PPM1H: variants seen among roughly 807,000 people sequenced by gnomAD.
PPM1H encodes the protein protein phosphatase 1H.
In PPM1H, 27 loss-of-function variants were observed where a neutral mutation model predicts 54.9. That is an observed-to-expected ratio of 0.49 (90% CI 0.36 to 0.68). The LOEUF is 0.68. PPM1H is among the 30% of genes least tolerant of loss of function. PPM1H has a pLI of 0.00. For synonymous variants in PPM1H, 305 were observed against 270.8 expected (o/e 1.13, Z -1.24); for missense variants, 596 against 667.8 (o/e 0.89, Z 1.19).
chr12:62,737,113 G>T lies in PPM1H; in HGVS notation c.954+389C>A, dbSNP rs186887689. ...GTGGGCAGATTCTTCCTCACAACGGGAATCAGACCAAGTTCCCTGTTTGAG... is the reference window on the plus strand; with the variant it reads ...GTGGGCAGATTCTTCCTCACAACGGTAATCAGACCAAGTTCCCTGTTTGAG... On this transcript the variant is annotated intron_variant, in intron 5 of 9. Coordinates refer to ENST00000228705, the MANE Select transcript of PPM1H (RefSeq NM_020700.2). 1.6e-4 allele frequency among the ~76,000 whole-genome samples: 24 copies of T among 151,554 alleles called. No homozygotes were observed. The East Asian group carries it at 4.1e-3, about 26-fold the overall frequency.
chr12:62,692,888 C>T (rs1178769635), intron 7 of PPM1H, among the ~76,000 whole-genome samples: 1 of 150,964 alleles, frequency 6.6e-6, no homozygotes, highest in Admixed American at 6.6e-5. Flanking sequence ...CTGGTCTACA[C>T]GGAGCCCAAA....
At chr12:62,716,716 G>C (rs555954307) in intron 6 of PPM1H, among the ~76,000 whole-genome samples, 1 of 152,232 alleles carries the variant, frequency 6.6e-6, no homozygotes, top group South Asian at 2.1e-4. Context: ...TTGTTATAGA[G>C]ATGGGGTCTC....
chr12:62,897,267 G>A (rs1000613071), intron 1 of PPM1H, among the ~76,000 whole-genome samples: 1 of 151,928 alleles, frequency 6.6e-6, no homozygotes, highest in Non-Finnish European at 1.5e-5. Context: ...AATTGCCAGT[G>A]TTTTTTCCCT....
chr12:62,856,209 C>T (rs1869382056), intron 1 of PPM1H, among the ~76,000 whole-genome samples: 2 of 152,176 alleles, frequency 1.3e-5, no homozygotes, highest in African/African-American at 4.8e-5. Context: ...TATGTCTTCT[C>T]CAGGACACTG....
chr12:62,682,869 T>A (rs1328386086), intron 8 of PPM1H, among the ~76,000 whole-genome samples: 2 of 151,352 alleles, frequency 1.3e-5, no homozygotes, highest in Non-Finnish European at 2.9e-5. Context: ...TCGCCCAGGC[T>A]GGGGTGCAGT....
At chr12:62,758,915 G>GC (rs2076490648) in intron 4 of PPM1H, among the ~76,000 whole-genome samples, 1 of 152,094 alleles carries the variant, frequency 6.6e-6, no homozygotes, top group Non-Finnish European at 1.5e-5. Context: ...ATTTGTTTCT[G>GC]CCCCACCCTA....
At chr12:62,795,542 G>T (rs1252686648) in intron 3 of PPM1H, among the ~76,000 whole-genome samples, 1 of 151,912 alleles carries the variant, frequency 6.6e-6, no homozygotes, top group African/African-American at 2.4e-5. Flanking sequence ...CGCCTCCCGG[G>T]TTCACACCAT....
At chr12:62,695,507 T>C (rs913189548) in intron 6 of PPM1H, among the ~76,000 whole-genome samples, 4 of 152,096 alleles carry the variant, frequency 2.6e-5, no homozygotes, top group African/African-American at 9.7e-5. Flanking sequence ...GAATTGAATT[T>C]TCAAAAAAGG....
At chr12:62,883,550 T>C (rs76921850) in intron 1 of PPM1H, among the ~76,000 whole-genome samples, 1,855 of 152,194 alleles carry the variant, frequency 0.012, 17 homozygotes, top group Middle Eastern at 0.02. Flanking sequence ...TACATCAACA[T>C]AGCACCCAAA....
chr12:62,662,002 C>G (rs2075887020), intron 9 of PPM1H, among the ~76,000 whole-genome samples: 1 of 152,198 alleles, frequency 6.6e-6, no homozygotes, highest in African/African-American at 2.4e-5. Context: ...GAAAGGCATA[C>G]AGAAAACATT....
At chr12:62,856,218 T>C (rs1021849163) in intron 1 of PPM1H, among the ~76,000 whole-genome samples, 3 of 152,202 alleles carry the variant, frequency 2.0e-5, no homozygotes, top group African/African-American at 7.2e-5. Context: ...TCCAGGACAC[T>C]GTTCTGTGAA....
intron 9 of PPM1H, among the ~76,000 whole-genome samples, chr12:62,663,334 TA>T (rs71967486): frequency 1.1e-3 from 172 of 149,744 alleles, no homozygotes; most frequent in African/African-American, 3.2e-3. Flanking sequence ...AATTCTCTTT[TA>T]AAAAAAAAAA....
At chr12:62,744,594 A>C (rs1259891092) in intron 4 of PPM1H, among the ~76,000 whole-genome samples, 1 of 152,190 alleles carries the variant, frequency 6.6e-6, no homozygotes, top group Non-Finnish European at 1.5e-5. Flanking sequence ...AAAAACAAAA[A>C]CTATATATAG....
chr12:62,731,601 T>C (rs1425986138), intron 5 of PPM1H, among the ~76,000 whole-genome samples: 1 of 152,130 alleles, frequency 6.6e-6, no homozygotes, highest in Non-Finnish European at 1.5e-5. Flanking sequence ...TCCAAGGACA[T>C]TGCAAGAAAT....
At chr12:62,893,613 T>C (rs563973600) in intron 1 of PPM1H, among the ~76,000 whole-genome samples, 5 of 151,894 alleles carry the variant, frequency 3.3e-5, no homozygotes, top group Admixed American at 1.3e-4. Flanking sequence ...CATGCCACCA[T>C]GCCTGGCTAA....
chr12:62,827,379 C>G (rs1054856885), intron 2 of PPM1H, among the ~76,000 whole-genome samples: 1 of 152,112 alleles, frequency 6.6e-6, no homozygotes, highest in Admixed American at 6.6e-5. Flanking sequence ...TGATCAGTGC[C>G]TTATTTTAAG....
chr12:62,678,235 C>T (rs1260003416), intron 8 of PPM1H, among the ~76,000 whole-genome samples: 1 of 152,236 alleles, frequency 6.6e-6, no homozygotes, highest in Non-Finnish European at 1.5e-5. Context: ...GCATGAGTCA[C>T]CATGCCCAGG....
chr12:62,726,465 C>A (rs1464041527), intron 5 of PPM1H, among the ~76,000 whole-genome samples: 5 of 151,060 alleles, frequency 3.3e-5, no homozygotes, highest in African/African-American at 1.2e-4. Context: ...AAAAAAAAAA[C>A]CCTCTAAAAA....
chr12:62,694,141 G>T (rs145503390), intron 6 of PPM1H, 142 bp from the exon 7 acceptor site: 11 of 702,494 alleles, frequency 1.6e-5, no homozygotes, highest in Non-Finnish European at 2.2e-5. Flanking sequence ...ATAGGGAGTT[G>T]TTCTCCCTAC....
Sources: gnomAD v4.1 joint callset for allele counts (sites outside exome capture counted in the v4.1 genomes callset) on GRCh38, gnomAD v4.1.1 for gene constraint, MANE v1.5 for transcripts, NCBI Gene and HGNC (gene_info 2026-07-23, HGNC 2026-07-21) for gene names.